The following HADHB variants were observed in gnomAD, a reference collection of about 807,000 sequenced individuals.
HADHB encodes the protein hydroxyacyl-CoA dehydrogenase trifunctional multienzyme complex subunit beta.
Under a neutral mutation model 61.9 loss-of-function variants are expected in HADHB, and 50 were observed. The ratio of observed to expected loss-of-function variants is 0.81; its 90% CI spans 0.64 to 1.02. HADHB has a LOEUF of 1.02. HADHB is among the 50% of genes least tolerant of loss of function. HADHB has a pLI of 0.00. For synonymous variants in HADHB, 191 were observed against 201.6 expected, an observed-to-expected ratio of 0.95 and a Z score of 0.45; for missense variants, 504 against 586.5, an observed-to-expected ratio of 0.86 and a Z score of 1.45.
chr2:26,257,702 T>C (rs1373632838), intron 3 of HADHB, among the ~76,000 whole-genome samples: 1 of 152,054 alleles, frequency 6.6e-6, no homozygotes, highest in African/African-American at 2.4e-5. Context: ...CTGTTGCCCT[T>C]GTGCATGATG....
intron 15 of HADHB, among the ~76,000 whole-genome samples, 168 bp downstream of exon 15, chr2:26,285,739 G>GTTTTTTTTTTTTGTTTTTTTT (rs1673002075): frequency 1.5e-5 from 1 of 65,080 alleles, no homozygotes; most frequent in Non-Finnish European, 2.9e-5. Context: ...TGTTTTTTGG[G>GTTTTTTTTTTTTGTTTTTTTT]TTTTTTTTTT....
chr2:26,281,752 C>T (rs148909196), intron 10 of HADHB, among the ~76,000 whole-genome samples: 2 of 152,234 alleles, frequency 1.3e-5, no homozygotes, highest in East Asian at 1.9e-4. Flanking sequence ...ATATGGTCAC[C>T]TATGTCTCCA....
At chr2:26,288,186 G>T (rs1010453401) in intron 15 of HADHB, among the ~76,000 whole-genome samples, 10 of 152,140 alleles carry the variant, frequency 6.6e-5, no homozygotes, top group Admixed American at 3.9e-4. Flanking sequence ...GATTGCTTGA[G>T]CCCGGGATGT....
At chr2:26,258,997 GCCTCTCACCATGATGAAAC>G (rs1016743541) in intron 3 of HADHB, among the ~76,000 whole-genome samples, 46 of 152,254 alleles carry the variant, frequency 3.0e-4, no homozygotes, top group African/African-American at 1.1e-3. Flanking sequence ...AGCTAGTCCT[GCCTCTCACCATGATGAAAC>G]CCTCTCACCA....
intron 3 of HADHB, 80 bp from the exon 4 acceptor site, chr2:26,263,298 TAA>T (rs75496350): frequency 0.014 from 9,572 of 678,582 alleles, no homozygotes; most frequent in Middle Eastern, 0.021. Flanking sequence ...GACTCCATCT[TAA>T]AAAAAAAAAA....
intron 7 of HADHB, 107 bp downstream of exon 7, chr2:26,277,267 TCA>T (rs1279308629): frequency 3.4e-6 from 2 of 596,126 alleles, no homozygotes; most frequent in Non-Finnish European, 5.9e-6. Context: ...ACACAGAACC[TCA>T]CTCTGTCACT....
chr2:26,252,205 G>A (rs1671427767), intron 1 of HADHB, among the ~76,000 whole-genome samples: 1 of 152,144 alleles, frequency 6.6e-6, no homozygotes, highest in Admixed American at 6.5e-5. Flanking sequence ...TCTCAGAAGT[G>A]GCATACCATT....
At position 26,284,118 on chromosome 2, in the gene HADHB, C is replaced by G. The variant is rs1370999216; in HGVS notation, c.1063C>G (p.Pro355Ala). 6 of 1,554,770 alleles carry G rather than the reference C, an allele frequency of 3.9e-6. No homozygotes were observed. Among genetic ancestry groups the G allele is most frequent in the East Asian group, 2.2e-5 (1 of 44,530 alleles). Residue 355 changes from proline (P) to alanine (A), a missense_variant and splice_region_variant, in exon 13 of 16, where the codon CCA (proline) becomes GCA (alanine). Physicochemically the swap from Pro to Ala is conservative, Grantham distance 27. Coordinates refer to ENST00000317799, the MANE Select transcript of HADHB (RefSeq NM_000183.3). ...ATATTACTTATTTTTTCTTTGCAGA[C>G]CAACATATGCTACTCCAAAAGTTCT... The part of the protein sequence containing the change: ...QDPKDQLLLG[P>A]TYATPKVLEK...
chr2:26,244,951 A>G lies in HADHB; in HGVS notation c.-48A>G, dbSNP rs1235880866. The G allele has an allele frequency of 8.7e-6, 3 of 345,546 alleles. No individual in the cohort carries two copies. Among genetic ancestry groups the G allele is most frequent in the South Asian group, 2.9e-5 (1 of 34,896 alleles). 21.4% of individuals were successfully genotyped at this position (345,546 alleles called of 1,614,324 possible). Reference sequence around the variant, plus strand: ...GCAGAGCCTTGGTACTTGGACCTGAACCTTGCTCCGAGAGGGAGTCCTCGC... The same window carrying G: ...GCAGAGCCTTGGTACTTGGACCTGAGCCTTGCTCCGAGAGGGAGTCCTCGC... On this transcript the variant is annotated 5_prime_UTR_variant, in exon 1 of 16. Transcript: ENST00000317799.
chr2:26,250,157 A>G (rs2147796525), intron 1 of HADHB, among the ~76,000 whole-genome samples: 2 of 152,150 alleles, frequency 1.3e-5, no homozygotes, highest in East Asian at 3.9e-4. Context: ...GGCATGTGCC[A>G]CCAGGCCTGG....
chr2:26,285,739 G>GTTTTTTTTTTTTTTTTTTTTGTTTTTTT (rs766742523), intron 15 of HADHB, among the ~76,000 whole-genome samples, 168 bp downstream of exon 15: 1 of 65,082 alleles, frequency 1.5e-5, no homozygotes, highest in Non-Finnish European at 2.9e-5. Flanking sequence ...TGTTTTTTGG[G>GTTTTTTTTTTTTTTTTTTTTGTTTTTTT]TTTTTTTTTT....
At chr2:26,250,760 G>A (rs1352913337) in intron 1 of HADHB, among the ~76,000 whole-genome samples, 1 of 151,440 alleles carries the variant, frequency 6.6e-6, no homozygotes, top group African/African-American at 2.4e-5. Flanking sequence ...GTTCCAGATT[G>A]CAGTGACCTA....
rs573408493 is a variant in HADHB, at chr2:26,258,548, AGGGGT to A, written c.109+4077_109+4081del. On this transcript the variant is annotated intron_variant, in intron 3 of 15. Transcript: ENST00000317799. ...CGCAGCGGACACCCTGCCAGATCCG[AGGGGT>A]GGAAGTCAACAGCGGGTCTGCGACA... Among the ~76,000 whole-genome samples the A allele has an allele frequency of 2.8e-3, 423 of 152,272 alleles. 2 individuals are homozygous for A. The highest frequency in any genetic ancestry group is 9.8e-3 in the African/African-American group (409 of 41,558).
chr2:26,275,633 G>A (rs1672507999), intron 6 of HADHB, among the ~76,000 whole-genome samples: 1 of 152,160 alleles, frequency 6.6e-6, no homozygotes, highest in South Asian at 2.1e-4. Context: ...TGAGATACTT[G>A]CGTCTCTCTT....
At chr2:26,274,157 C>A (rs115647254) in intron 6 of HADHB, among the ~76,000 whole-genome samples, 1,771 of 152,292 alleles carry the variant, frequency 0.012, 39 homozygotes, top group African/African-American at 0.039. Context: ...TGGAAGTAGC[C>A]TTGCTTACTC....
intron 13 of HADHB, 21 bp from the exon 14 acceptor site, chr2:26,284,862 T>C (rs745974911): frequency 3.8e-6 from 5 of 1,314,572 alleles, no homozygotes; most frequent in East Asian, 4.6e-5. Flanking sequence ...GAGGTTCTTA[T>C]TCGATTATTT....
chr2:26,282,942 A>ACAAAT lies in HADHB; in HGVS notation c.1013+21_1013+25dup, dbSNP rs1321772962. The ACAAAT allele has an allele frequency of 6.2e-7, 1 of 1,606,016 alleles. No individual in the cohort carries two copies. The highest frequency in any genetic ancestry group is 8.5e-7 in the Non-Finnish European group (1 of 1,172,556). ...TATTTGAGGTAAAGTAAATGTTCAA[A>ACAAAT]CAAATCATCTCTGATTTCTTTATTT... On this transcript the variant is annotated intron_variant, in intron 11 of 15. Transcript: ENST00000317799.
In HADHB at chr2:26,258,917, C is replaced by T. The variant is rs111458450; in HGVS notation, c.109+4443C>T. On this transcript the variant is annotated intron_variant, in intron 3 of 15. Coordinates refer to ENST00000317799, the MANE Select transcript of HADHB (RefSeq NM_000183.3). ...CGAGTGTGAGCTGAGTTACAAGCCC[C>T]GTGTTTAAAGGTGGGTGCAGTCACC... is the stretch of plus-strand genomic sequence containing the variant. 5.7e-3 allele frequency among the ~76,000 whole-genome samples: 860 copies of T among 152,184 alleles called. 6 individuals carry two copies. Among genetic ancestry groups the T allele is most frequent in the African/African-American group, 0.02 (829 of 41,502 alleles).
intron 3 of HADHB, among the ~76,000 whole-genome samples, chr2:26,262,613 A>G (rs897260922): frequency 6.6e-6 from 1 of 152,242 alleles, no homozygotes; most frequent in Non-Finnish European, 1.5e-5. Flanking sequence ...GAGATTAAAA[A>G]GTATTTAGGC....
Sources: allele counts gnomAD v4.1 joint callset (sites outside exome capture counted in the v4.1 genomes callset), GRCh38; gene constraint gnomAD v4.1.1; transcripts MANE v1.5; gene names NCBI Gene and HGNC (gene_info 2026-07-23, HGNC 2026-07-21).